KSR2: variants seen among roughly 807,000 people sequenced by gnomAD.
The protein encoded by KSR2 is kinase suppressor of ras 2.
Under a neutral mutation model 107.8 loss-of-function variants are expected in KSR2, and 25 were observed. The observed-to-expected ratio is 0.23, with a 90% CI of 0.17 to 0.32. KSR2 has a LOEUF of 0.32. KSR2 is among the 10% of genes least tolerant of loss of function. The pLI, the probability that KSR2 is intolerant of heterozygous loss-of-function variation, is 1.00. For missense variants in KSR2, 887 were observed against 1,268.9 expected, an observed-to-expected ratio of 0.70 and a Z score of 4.57; for synonymous variants, 480 against 507.0, an observed-to-expected ratio of 0.95 and a Z score of 0.71.
At chr12:117,476,357 G>T (rs1366723835) in intron 17 of KSR2, 107 bp downstream of exon 17, 15 of 1,350,148 alleles carry the variant, frequency 1.1e-5, no homozygotes, top group Non-Finnish European at 1.5e-5. Flanking sequence ...AGCCACTTTG[G>T]CCCTGTAGAC....
intron 4 of KSR2, among the ~76,000 whole-genome samples, chr12:117,692,888 T>G (rs77595989): frequency 0.053 from 8,016 of 152,112 alleles, 281 homozygotes; most frequent in East Asian, 0.14. Flanking sequence ...GCCATGGGGA[T>G]AGGGGGAAGC....
At chr12:117,533,929 G>A (rs1592965282) in intron 10 of KSR2, among the ~76,000 whole-genome samples, 1 of 152,158 alleles carries the variant, frequency 6.6e-6, no homozygotes, top group East Asian at 1.9e-4. Context: ...GGAAACATAT[G>A]ACCAGAAGAG....
intron 7 of KSR2, among the ~76,000 whole-genome samples, chr12:117,567,066 G>A (rs532797929): frequency 1.4e-4 from 21 of 152,340 alleles, no homozygotes; most frequent in South Asian, 2.1e-4. Flanking sequence ...ACAGTGAACC[G>A]TCCAGAAATG....
chr12:117,763,146 T>A (rs1316933975), intron 3 of KSR2, among the ~76,000 whole-genome samples: 31 of 151,946 alleles, frequency 2.0e-4, no homozygotes, highest in Non-Finnish European at 4.0e-4. Flanking sequence ...CGGTGTTTGG[T>A]TTTTTGTCCT....
intron 14 of KSR2, among the ~76,000 whole-genome samples, 197 bp downstream of exon 14, chr12:117,524,642 GGGCAACAGAGGGA>G (rs1313812095): frequency 6.6e-6 from 1 of 152,104 alleles, no homozygotes; most frequent in East Asian, 1.9e-4. Context: ...ATTCAAGCCT[GGGCAACAGAGGGA>G]GACCCTGTCT....
chr12:117,952,271 T>C (rs1896388464), intron 1 of KSR2, among the ~76,000 whole-genome samples: 1 of 152,064 alleles, frequency 6.6e-6, no homozygotes, highest in African/African-American at 2.4e-5. Context: ...CATTCCACAA[T>C]AGATATCAAA....
intron 1 of KSR2, among the ~76,000 whole-genome samples, chr12:117,911,658 C>G (rs1035667874): frequency 2.6e-5 from 4 of 152,036 alleles, no homozygotes; most frequent in African/African-American, 7.2e-5. Context: ...CTTAGAAGCC[C>G]ATGTCCTGAT....
At chr12:117,558,425 C>A in intron 8 of KSR2, 81 bp downstream of exon 8, 1 of 1,101,166 alleles carries the variant, frequency 9.1e-7, no homozygotes, top group Non-Finnish European at 1.4e-6. Context: ...TCAGAACCAA[C>A]CTGATGGGAC....
chr12:117,499,898 G>A (rs1423574835), intron 14 of KSR2, among the ~76,000 whole-genome samples: 2 of 152,246 alleles, frequency 1.3e-5, no homozygotes, highest in African/African-American at 2.4e-5. Context: ...GGCACAGGAA[G>A]GGAGGCTGAG....
chr12:117,688,741 C>T (rs1885690342), intron 4 of KSR2, among the ~76,000 whole-genome samples: 1 of 152,144 alleles, frequency 6.6e-6, no homozygotes, highest in Admixed American at 6.5e-5. Flanking sequence ...AAAGGACACT[C>T]TCCAGGATGG....
At chr12:117,816,696 T>C (rs1891382504) in intron 3 of KSR2, among the ~76,000 whole-genome samples, 1 of 152,160 alleles carries the variant, frequency 6.6e-6, no homozygotes, top group Non-Finnish European at 1.5e-5. Context: ...GGATCCTCAG[T>C]GCACAGCACA....
chr12:117,830,748 C>T (rs931939928), intron 3 of KSR2, among the ~76,000 whole-genome samples: 1 of 152,150 alleles, frequency 6.6e-6, no homozygotes, highest in Non-Finnish European at 1.5e-5. Context: ...TCTAAAAAGA[C>T]AGCTGCAACT....
intron 9 of KSR2, among the ~76,000 whole-genome samples, chr12:117,543,161 A>G (rs1231830609): frequency 6.6e-6 from 1 of 152,234 alleles, no homozygotes; most frequent in Non-Finnish European, 1.5e-5. Context: ...GTTTCTGGAT[A>G]ATATAGTAAT....
intron 3 of KSR2, among the ~76,000 whole-genome samples, chr12:117,821,134 G>A (rs1382892872): frequency 6.6e-6 from 1 of 152,158 alleles, no homozygotes; most frequent in East Asian, 1.9e-4. Flanking sequence ...GATTAAATGA[G>A]ATAATGCCTA....
intron 14 of KSR2, among the ~76,000 whole-genome samples, chr12:117,489,084 T>G (rs1872616114): frequency 6.6e-6 from 1 of 152,042 alleles, no homozygotes; most frequent in Non-Finnish European, 1.5e-5. Context: ...ACTACTCCAT[T>G]TATATAAAGT....
chr12:117,717,666 G>GGTGTGTGTGTGTGT (rs55910019), intron 4 of KSR2, among the ~76,000 whole-genome samples: 14 of 144,478 alleles, frequency 9.7e-5, no homozygotes, highest in African/African-American at 1.0e-4. Context: ...GGGGCAGACA[G>GGTGTGTGTGTGTGT]GTGTGTGTGT....
At chr12:117,664,949 G>A (rs1459477652) in intron 5 of KSR2, among the ~76,000 whole-genome samples, 1 of 152,106 alleles carries the variant, frequency 6.6e-6, no homozygotes, top group Non-Finnish European at 1.5e-5. Context: ...CCAACAGAGA[G>A]CTTCTCGTTT....
intron 4 of KSR2, among the ~76,000 whole-genome samples, chr12:117,685,603 G>T (rs981633198): frequency 6.6e-6 from 1 of 152,206 alleles, no homozygotes; most frequent in Non-Finnish European, 1.5e-5. Context: ...CTCCCTCTGG[G>T]GCCAAAGAGT....
chr12:117,780,434 T>C (rs1311562037), intron 3 of KSR2, among the ~76,000 whole-genome samples: 1 of 152,220 alleles, frequency 6.6e-6, no homozygotes, highest in African/African-American at 2.4e-5. Context: ...TTGAAAACCA[T>C]ATGCTAAATG....
Sources: gnomAD v4.1 joint callset for allele counts (sites outside exome capture counted in the v4.1 genomes callset) on GRCh38, gnomAD v4.1.1 for gene constraint, MANE v1.5 for transcripts, NCBI Gene and HGNC (gene_info 2026-07-23, HGNC 2026-07-21) for gene names.